MYT1L: variants seen among roughly 807,000 people sequenced by gnomAD.
The protein encoded by MYT1L is myelin transcription factor 1 like, also known as myelin transcription factor 1-like protein.
A neutral mutation model predicts 126.7 loss-of-function variants in MYT1L; 12 were observed. That is an observed-to-expected ratio of 0.09 (90% CI 0.06 to 0.15). The LOEUF is 0.15. Among genes scored for constraint, MYT1L ranks in the 10% least tolerant of loss-of-function variants. The pLI is 1.00. For missense variants in MYT1L, 979 were observed against 1,585.2 expected (o/e 0.62, Z 6.49); for synonymous variants, 541 against 604.2 (o/e 0.90, Z 1.53).
intron 21 of MYT1L, chr2:1,825,709 T>C (rs2039216680): frequency 1.3e-5 from 2 of 152,224 alleles, no homozygotes; most frequent in South Asian, 2.1e-4. Context: ...GTTTTCCCTA[T>C]AAAATTATAA....
chr2:1,921,002 G>A (rs1053479027), intron 10 of MYT1L, among the ~76,000 whole-genome samples: 1 of 152,240 alleles, frequency 6.6e-6, no homozygotes, highest in African/African-American at 2.4e-5. Flanking sequence ...TGGCTGTAGC[G>A]ATGCCTAGCT....
rs556226231 is a variant in MYT1L at position 2,194,005 on chromosome 2, G to C, written c.-420-21017C>G. ...TCATTATAGTGATTTAAATTTTTTTGATATTTTATTTATTAATGTTTCCTC... is the reference window on the plus strand; with the variant it reads ...TCATTATAGTGATTTAAATTTTTTTCATATTTTATTTATTAATGTTTCCTC... On this transcript the variant is annotated intron_variant, in intron 2 of 24. Coordinates refer to ENST00000647738, the MANE Select transcript of MYT1L (RefSeq NM_001303052.2). 2.6e-5 allele frequency among the ~76,000 whole-genome samples: 4 copies of C among 151,768 alleles called. 1 individual carries two copies. The South Asian group carries it at 8.4e-4, about 32-fold the overall frequency.
intron 3 of MYT1L, among the ~76,000 whole-genome samples, chr2:2,147,299 A>G (rs1168731768): frequency 6.6e-6 from 1 of 152,178 alleles, no homozygotes; most frequent in Admixed American, 6.5e-5. Context: ...ACCTGGAAGG[A>G]CTCAGGATGC....
chr2:1,919,965 G>C (rs1046650931), intron 10 of MYT1L, among the ~76,000 whole-genome samples: 1 of 112,898 alleles, frequency 8.9e-6, no homozygotes, highest in Non-Finnish European at 1.7e-5. Flanking sequence ...TGATCCACCC[G>C]CACTATTTTT....
chr2:2,063,662 G>C (rs186985197), intron 3 of MYT1L, among the ~76,000 whole-genome samples: 2 of 152,286 alleles, frequency 1.3e-5, no homozygotes, highest in East Asian at 3.9e-4. Flanking sequence ...TGGCCAACAT[G>C]ATGAAACCCT....
chr2:2,050,289 T>C (rs1019570371), intron 4 of MYT1L, among the ~76,000 whole-genome samples: 33 of 152,166 alleles, frequency 2.2e-4, no homozygotes, highest in African/African-American at 8.0e-4. Flanking sequence ...TCAAAGAATA[T>C]AGATTTACAG....
intron 8 of MYT1L, among the ~76,000 whole-genome samples, chr2:1,956,842 C>A (rs1055463391): frequency 1.3e-5 from 2 of 151,972 alleles, no homozygotes; most frequent in Non-Finnish European, 2.9e-5. Context: ...AAAAAAAATC[C>A]ATGTGTTTCA....
Position 2,281,130 on chromosome 2 carries a change from A to T in MYT1L, c.-421+3274T>A, listed in dbSNP as rs2095441367. Reference sequence around the variant, plus strand: ...GGGGTGGTTACCCCACACCGTTCTCATGTTAGTAAGTAAATTCTCATGAGA... The same window carrying T: ...GGGGTGGTTACCCCACACCGTTCTCTTGTTAGTAAGTAAATTCTCATGAGA... On this transcript the variant is annotated intron_variant, in intron 2 of 24. Transcript: ENST00000647738. 2.6e-5 allele frequency among the ~76,000 whole-genome samples: 4 copies of T among 152,146 alleles called. No homozygotes were observed. In the South Asian group the frequency reaches 8.3e-4, roughly 32 times the overall value.
At chr2:2,179,590 A>C (rs1197070539) in intron 2 of MYT1L, among the ~76,000 whole-genome samples, 1 of 152,226 alleles carries the variant, frequency 6.6e-6, no homozygotes, top group Non-Finnish European at 1.5e-5. Context: ...CAAACACGTA[A>C]AGGAGGTAGA....
In MYT1L at chr2:2,228,507, A is replaced by G. The variant is rs1167742907; in HGVS notation, c.-420-55519T>C. 6.6e-6 allele frequency among the ~76,000 whole-genome samples: 1 copy of G among 152,228 alleles called. No homozygotes were observed. The highest frequency in any genetic ancestry group is 2.4e-5 in the African/African-American group (1 of 41,472). ...ATCAGCAAGACAAATTGAACTTTAG[A>G]ACTGGAAGAAAGTTTAGAATTTTTT... is the stretch of plus-strand genomic sequence containing the variant. On this transcript the variant is annotated intron_variant, in intron 2 of 24. Coordinates refer to ENST00000647738, the MANE Select transcript of MYT1L (RefSeq NM_001303052.2). This position sits in a 1 kb window ranked among gnomAD's most constrained non-coding sequence, Gnocchi z 5.9.
intron 10 of MYT1L, among the ~76,000 whole-genome samples, chr2:1,919,107 C>T (rs771386321): frequency 2.4e-4 from 37 of 152,208 alleles, no homozygotes; most frequent in Admixed American, 4.6e-4. Flanking sequence ...TATTTTACCA[C>T]GACACTTAGG....
intron 8 of MYT1L, among the ~76,000 whole-genome samples, chr2:1,972,260 A>C (rs2059868505): frequency 6.6e-6 from 1 of 152,180 alleles, no homozygotes; most frequent in African/African-American, 2.4e-5. Flanking sequence ...CACGCACCCA[A>C]GTGGATCTTC....
chr2:2,134,739 C>A (rs569141755), intron 3 of MYT1L, among the ~76,000 whole-genome samples: 2 of 151,582 alleles, frequency 1.3e-5, no homozygotes, highest in East Asian at 1.9e-4. Context: ...CAGAAATGAA[C>A]GTTGTTTTTT....
chr2:1,983,473 C>T (rs894764816), intron 5 of MYT1L, among the ~76,000 whole-genome samples: 10 of 152,192 alleles, frequency 6.6e-5, no homozygotes, highest in African/African-American at 2.4e-4. Flanking sequence ...AAGCATAAAA[C>T]GTATGGTCTG....
intron 4 of MYT1L, among the ~76,000 whole-genome samples, chr2:2,021,660 G>C (rs2065040443): frequency 6.6e-6 from 1 of 152,202 alleles, no homozygotes; most frequent in Non-Finnish European, 1.5e-5. Context: ...CACTTTGCGA[G>C]GCCAAGGCAG....
intron 18 of MYT1L, among the ~76,000 whole-genome samples, chr2:1,885,702 C>A (rs868350073): frequency 6.6e-6 from 1 of 152,166 alleles, no homozygotes; most frequent in East Asian, 1.9e-4. Flanking sequence ...ATGGCCTGTC[C>A]GATAATTTAA....
intron 3 of MYT1L, among the ~76,000 whole-genome samples, chr2:2,168,272 G>A (rs1049663604): frequency 6.6e-6 from 1 of 152,190 alleles, no homozygotes; most frequent in African/African-American, 2.4e-5. Flanking sequence ...TGATGAGGGT[G>A]TGCATTGTGT....
At chr2:2,036,973 C>A (rs1477206986) in intron 4 of MYT1L, among the ~76,000 whole-genome samples, 5 of 152,190 alleles carry the variant, frequency 3.3e-5, no homozygotes, top group Admixed American at 1.3e-4. Context: ...AGTGATGCAA[C>A]AACAGAGGCA....
intron 9 of MYT1L, among the ~76,000 whole-genome samples, chr2:1,933,015 G>A (rs1176232885): frequency 1.3e-5 from 2 of 152,070 alleles, no homozygotes; most frequent in African/African-American, 4.8e-5. Flanking sequence ...TGCCTGGGAG[G>A]CTCCCTGGAG....
Sources: gnomAD v4.1 joint callset for allele counts (sites outside exome capture counted in the v4.1 genomes callset) on GRCh38, gnomAD v4.1.1 for gene constraint, Gnocchi (gnomAD v3.1) non-coding constraint, MANE v1.5 for transcripts, NCBI Gene and HGNC (gene_info 2026-07-23, HGNC 2026-07-21) for gene names.